Variants in LHX6 observed in about 807,000 individuals in gnomAD.
The protein encoded by LHX6 is LIM/homeobox protein Lhx6.
Under a neutral mutation model 47.1 loss-of-function variants are expected in LHX6, and 15 were observed. That is an observed-to-expected ratio of 0.32 (90% confidence interval 0.21 to 0.49). The LOEUF is 0.49. Ranked by LOEUF, LHX6 falls within the 20% of genes least tolerant of loss-of-function variation. LHX6 has a pLI of 0.99. For synonymous variants in LHX6, 242 were observed against 233.5 expected, an observed-to-expected ratio of 1.04 and a Z score of -0.33; for missense variants, 404 against 539.6, an observed-to-expected ratio of 0.75 and a Z score of 2.49.
Position 122,228,864 on chromosome 9 carries a change from C to A in LHX6, c.-124G>T. ...AGGAGAGCCGAGGCGCCGGCCCCGC[C>A]GCCCCGGGCCCGGCCTCAGCCCCCG... is the stretch of plus-strand genomic sequence containing the variant. On this transcript the variant is annotated 5_prime_UTR_variant, in exon 1 of 10. Coordinates refer to ENST00000394319, the MANE Select transcript of LHX6 (RefSeq NM_014368.5). 1 of 544,400 alleles carries A rather than the reference C, an allele frequency of 1.8e-6. No individual in the cohort carries two copies. The highest frequency in any genetic ancestry group is 2.6e-6 in the Non-Finnish European group (1 of 389,330). 33.7% of individuals were successfully genotyped at this position (544,400 alleles called of 1,614,324 possible). A position where few individuals can be genotyped will look rare whatever the true frequency, so the allele number is the denominator to read the frequency against.
chr9:122,209,342 G>A (rs577092718), intron 9 of LHX6, among the ~76,000 whole-genome samples: 1 of 152,250 alleles, frequency 6.6e-6, no homozygotes, highest in East Asian at 1.9e-4. Context: ...CTTAAAGCTT[G>A]AGTAAAGGAA....
intron 1 of LHX6, chr9:122,227,748 A>C: frequency 1.8e-6 from 1 of 548,340 alleles, no homozygotes; most frequent in Non-Finnish European, 2.9e-6. Flanking sequence ...TTCCCTTGCA[A>C]TCCAAGCCTC....
intron 4 of LHX6, chr9:122,221,329 T>C (rs1830847188): frequency 3.0e-6 from 3 of 985,258 alleles, no homozygotes; most frequent in Non-Finnish European, 3.6e-6. Flanking sequence ...TCCCCCAACA[T>C]CTGTCCCCCA....
At chr9:122,224,825 T>C (rs1831025470) in intron 4 of LHX6, among the ~76,000 whole-genome samples, 1 of 152,070 alleles carries the variant, frequency 6.6e-6, no homozygotes, top group Non-Finnish European at 1.5e-5. Flanking sequence ...GCTATCTACA[T>C]ACCCCCAACC....
intron 9 of LHX6, among the ~76,000 whole-genome samples, 165 bp downstream of exon 9, chr9:122,209,449 C>A (rs111832571): frequency 2.0e-5 from 3 of 152,212 alleles, no homozygotes; most frequent in Non-Finnish European, 4.4e-5. Flanking sequence ...TAGCAACCAC[C>A]GCTCCAGTGA....
chr9:122,206,343 A>C (rs1206009247), intron 9 of LHX6, among the ~76,000 whole-genome samples: 2 of 152,196 alleles, frequency 1.3e-5, no homozygotes, highest in African/African-American at 2.4e-5. Context: ...CAGGCCTGGA[A>C]GGACTTGGAA....
At chr9:122,207,378 G>A (rs529294725) in intron 9 of LHX6, among the ~76,000 whole-genome samples, 5 of 152,322 alleles carry the variant, frequency 3.3e-5, no homozygotes, top group Admixed American at 3.3e-4. Flanking sequence ...TTCAGAGTCC[G>A]ACAGACTCGC....
At chr9:122,227,067 G>T (rs1831134032) in intron 2 of LHX6, 37 bp from the exon 3 acceptor site, 1 of 1,444,920 alleles carries the variant, frequency 6.9e-7, no homozygotes, top group Non-Finnish European at 9.1e-7. Flanking sequence ...GCGCTGATCC[G>T]GGCACCCAGA....
intron 2 of LHX6, 117 bp downstream of exon 2, chr9:122,227,292 G>T (rs1163470316): frequency 1.0e-5 from 11 of 1,102,114 alleles, no homozygotes; most frequent in Non-Finnish European, 1.3e-5. Flanking sequence ...GAGGGGCGGC[G>T]CCCGCCGGGA....
In LHX6 at chr9:122,214,135, G is replaced by T; in HGVS notation, c.784-66C>A. 2 of 1,494,780 alleles carry T rather than the reference G, an allele frequency of 1.3e-6. No homozygotes were observed. Among genetic ancestry groups the T allele is most frequent in the African/African-American group, 2.8e-5 (2 of 72,424 alleles). 92.6% of individuals were successfully genotyped at this position (1,494,780 alleles called of 1,614,324 possible). ...ACTCCGAGACCCCGGCCCAATCAGC[G>T]GCGCCAGTCCACAGGCCACGCCCCA... On this transcript the variant is annotated intron_variant, in intron 6 of 9. Transcript: ENST00000394319. This position sits in a 1 kb window ranked among gnomAD's most constrained non-coding sequence, Gnocchi z 4.6.
chr9:122,226,714 TG>T lies in LHX6; in HGVS notation c.339+133del. Reference sequence around the variant, plus strand: ...GGGGGCTCAGGCAGACCCTAAGTCTTGCCCAAAGCTTCGCAGTCGGGCAGCA... The same window carrying T: ...GGGGGCTCAGGCAGACCCTAAGTCTTCCCAAAGCTTCGCAGTCGGGCAGCA... On this transcript the variant is annotated intron_variant, in intron 3 of 9. Coordinates refer to ENST00000394319, the MANE Select transcript of LHX6 (RefSeq NM_014368.5). The surrounding 1 kb of genome is among the most constrained non-coding windows in gnomAD (Gnocchi z 6.5). The T allele has an allele frequency of 7.9e-7, 1 of 1,259,678 alleles. No individual in the cohort carries two copies. The allele number at this position is 1,259,678 out of a possible 1,614,324, so 78.0% of individuals were successfully genotyped here. A position where few individuals can be genotyped will look rare whatever the true frequency, so the allele number is the denominator to read the frequency against.
At chr9:122,221,166 T>C (rs1830838476) in intron 4 of LHX6, 2 of 985,294 alleles carry the variant, frequency 2.0e-6, no homozygotes, top group Non-Finnish European at 2.4e-6. Flanking sequence ...GGTGGGGCCC[T>C]ACCTATTCTC....
At position 122,217,725 on chromosome 9, in the gene LHX6, C is replaced by G. The variant is rs1223512867; in HGVS notation, c.462-437G>C. Among the ~76,000 whole-genome samples the G allele has an allele frequency of 6.6e-6, 1 of 152,168 alleles. No homozygotes were observed. The highest frequency in any genetic ancestry group is 6.5e-5 in the Admixed American group (1 of 15,284). On this transcript the variant is annotated intron_variant, in intron 4 of 9. Transcript: ENST00000394319. The surrounding 1 kb of genome is among the most constrained non-coding windows in gnomAD (Gnocchi z 4.9). ...GGGACTAGAGAGGTAAAGTAACTTG[C>G]AGGAGGTCACACCGCTTGCAATGAT...
In LHX6 at chr9:122,204,682, G is replaced by T; in HGVS notation, c.*78C>A. The T allele has an allele frequency of 1.3e-6, 2 of 1,563,588 alleles. No individual in the cohort carries two copies. ...TGCGGAGGTGGGTGGACTCCTGGCC[G>T]CAGCTTGGACACTGGATCTCAGCGG... is the stretch of plus-strand genomic sequence containing the variant. On this transcript the variant is annotated 3_prime_UTR_variant, in exon 10 of 10. Transcript: ENST00000394319.
At chr9:122,206,784 C>T (rs1038582868) in intron 9 of LHX6, among the ~76,000 whole-genome samples, 19 of 152,292 alleles carry the variant, frequency 1.2e-4, no homozygotes, top group African/African-American at 3.8e-4. Flanking sequence ...TTTCCATGAT[C>T]CTTTGTTCTG....
chr9:122,209,518 G>A (rs112570405), intron 9 of LHX6, 96 bp downstream of exon 9: 109 of 1,563,146 alleles, frequency 7.0e-5, no homozygotes, highest in Middle Eastern at 1.7e-4. Context: ...CTGCCACAGC[G>A]CAGCATGGTA....
In LHX6 at chr9:122,224,609, G is replaced by A. The variant is rs563107469; in HGVS notation, c.461+1767C>T. On this transcript the variant is annotated intron_variant, in intron 4 of 9. Transcript: ENST00000394319. ...CCCCCTCAGAGGAGAGGGTGGGAGT[G>A]GAATGATGGGATTTCAGAATCCCCT... Among the ~76,000 whole-genome samples the A allele has an allele frequency of 2.6e-5, 4 of 152,110 alleles. No homozygotes were observed. The East Asian group carries it at 7.8e-4, about 30-fold the overall frequency.
In LHX6 at chr9:122,204,658, G is replaced by A; in HGVS notation, c.*102C>T. On this transcript the variant is annotated 3_prime_UTR_variant, in exon 10 of 10. Coordinates refer to ENST00000394319, the MANE Select transcript of LHX6 (RefSeq NM_014368.5). ...GGCAGGATGGCGGACGGGGGTGGAT[G>A]CGGAGGTGGGTGGACTCCTGGCCGC... 1 of 1,415,224 alleles carries A rather than the reference G, an allele frequency of 7.1e-7. No homozygotes were observed. The allele number at this position is 1,415,224 out of a possible 1,614,324, so 87.7% of individuals were successfully genotyped here.
At position 122,204,599 on chromosome 9, in the gene LHX6, GA is replaced by G; in HGVS notation, c.*160del. ...GGGTTCTGGTTCTCAGCAGGAGAGG[GA>G]AAGGCCAGGCCTCGGGAACCGACCT... On this transcript the variant is annotated 3_prime_UTR_variant, in exon 10 of 10. Coordinates refer to ENST00000394319, the MANE Select transcript of LHX6 (RefSeq NM_014368.5). 1.4e-6 allele frequency: 1 copy of G among 691,492 alleles called. No homozygotes were observed. 42.8% of individuals were successfully genotyped at this position (691,492 alleles called of 1,614,324 possible). A position where few individuals can be genotyped will look rare whatever the true frequency, so the allele number is the denominator to read the frequency against.
Sources: gnomAD v4.1 joint callset for allele counts (sites outside exome capture counted in the v4.1 genomes callset) on GRCh38, gnomAD v4.1.1 for gene constraint, Gnocchi (gnomAD v3.1) non-coding constraint, MANE v1.5 for transcripts, NCBI Gene and HGNC (gene_info 2026-07-23, HGNC 2026-07-21) for gene names.